MAP2K1: variants seen among roughly 807,000 people sequenced by gnomAD.
The protein encoded by MAP2K1 is mitogen-activated protein kinase kinase 1, also known as dual specificity mitogen-activated protein kinase kinase 1.
A neutral mutation model predicts 46.3 loss-of-function variants in MAP2K1; 16 were observed. The ratio of observed to expected loss-of-function variants is 0.35; its 90% confidence interval spans 0.23 to 0.52. The LOEUF (loss-of-function observed/expected upper bound fraction) is 0.52, where lower values mean the gene tolerates loss of function less well. Among genes scored for constraint, MAP2K1 ranks in the 20% least tolerant of loss-of-function variants. The pLI, the probability that MAP2K1 is intolerant of heterozygous loss-of-function variation, is 0.94. For missense variants in MAP2K1, 263 were observed against 497.1 expected (o/e 0.53, Z 4.48); for synonymous variants, 183 against 185.6 (o/e 0.99, Z 0.11).
At chr15:66,418,612 T>C (rs1417367190) in intron 1 of MAP2K1, among the ~76,000 whole-genome samples, 1 of 152,204 alleles carries the variant, frequency 6.6e-6, no homozygotes, top group Non-Finnish European at 1.5e-5. Context: ...AGCCCCACTG[T>C]TTAGTGGTCA....
At chr15:66,408,618 G>T (rs2093403757) in intron 1 of MAP2K1, among the ~76,000 whole-genome samples, 1 of 152,108 alleles carries the variant, frequency 6.6e-6, no homozygotes, top group South Asian at 2.1e-4. Context: ...CTGGCTTTTG[G>T]TGGCATAACT....
At chr15:66,472,094 G>A (rs1282834872) in intron 5 of MAP2K1, among the ~76,000 whole-genome samples, 54 of 66,238 alleles carry the variant, frequency 8.2e-4, no homozygotes, top group South Asian at 1.6e-3. Flanking sequence ...AAAAAAAAAA[G>A]ATGCTGTTAG....
chr15:66,483,839 C>T (rs958361925), intron 6 of MAP2K1, among the ~76,000 whole-genome samples: 2 of 151,320 alleles, frequency 1.3e-5, no homozygotes, highest in African/African-American at 4.9e-5. Flanking sequence ...GCCCTGCCTC[C>T]CAGGTTCACT....
At chr15:66,421,994 C>T (rs771136434) in intron 1 of MAP2K1, among the ~76,000 whole-genome samples, 1 of 151,574 alleles carries the variant, frequency 6.6e-6, no homozygotes, top group Non-Finnish European at 1.5e-5. Flanking sequence ...TGCCTGTGTT[C>T]TAGGCCCTTT....
intron 9 of MAP2K1, 87 bp from the exon 10 acceptor site, chr15:66,489,631 G>C: frequency 1.0e-6 from 1 of 995,282 alleles, no homozygotes. Context: ...GGCCTCTAGT[G>C]TGCAGAGAAG....
At chr15:66,471,525 T>C (rs978669688) in intron 5 of MAP2K1, among the ~76,000 whole-genome samples, 5 of 152,220 alleles carry the variant, frequency 3.3e-5, no homozygotes, top group Admixed American at 6.5e-5. Flanking sequence ...TCAAGGTTAG[T>C]GGTGCTGTTT....
intron 5 of MAP2K1, among the ~76,000 whole-genome samples, chr15:66,459,617 C>CA (rs11404258): frequency 0.65 from 93,324 of 142,942 alleles, 30,717 homozygotes; most frequent in African/African-American, 0.71. Context: ...GACACCATCT[C>CA]AAAAAAAAAA....
chr15:66,467,360 A>C (rs1464171518), intron 5 of MAP2K1, among the ~76,000 whole-genome samples: 2 of 152,230 alleles, frequency 1.3e-5, no homozygotes, highest in Admixed American at 6.5e-5. Context: ...GGGCATAGAC[A>C]GAACTAACTT....
chr15:66,457,603 A>G (rs1367261071), intron 5 of MAP2K1, among the ~76,000 whole-genome samples: 3 of 152,110 alleles, frequency 2.0e-5, no homozygotes, highest in Non-Finnish European at 4.4e-5. Flanking sequence ...TTATAGAAAA[A>G]TCTTCCTAAC....
intron 1 of MAP2K1, among the ~76,000 whole-genome samples, chr15:66,423,826 C>CA (rs2093450039): frequency 6.6e-6 from 1 of 151,810 alleles, no homozygotes; most frequent in Non-Finnish European, 1.5e-5. Context: ...AGGCTGGTCT[C>CA]AAACTCCCAA....
At chr15:66,449,445 T>C (rs1381079734) in intron 5 of MAP2K1, among the ~76,000 whole-genome samples, 1 of 152,204 alleles carries the variant, frequency 6.6e-6, no homozygotes, top group Non-Finnish European at 1.5e-5. Context: ...AGTGGCTGCC[T>C]GAGGGTTTAG....
At chr15:66,420,721 A>ATATATATG (rs1461381065) in intron 1 of MAP2K1, among the ~76,000 whole-genome samples, 2 of 29,684 alleles carry the variant, frequency 6.7e-5, no homozygotes, top group African/African-American at 1.2e-4. Context: ...ATATATATAT[A>ATATATATG]TGTGTGTGTG....
At chr15:66,427,498 G>T (rs996644282) in intron 1 of MAP2K1, among the ~76,000 whole-genome samples, 2 of 151,800 alleles carry the variant, frequency 1.3e-5, no homozygotes, top group African/African-American at 4.8e-5. Context: ...GGCGGAGCTT[G>T]CAGTGAGCCA....
intron 5 of MAP2K1, among the ~76,000 whole-genome samples, chr15:66,449,829 C>G (rs1891988381): frequency 6.6e-6 from 1 of 152,034 alleles, no homozygotes; most frequent in Admixed American, 6.6e-5. Context: ...TGCAGTGAGC[C>G]AAGATCATGC....
intron 1 of MAP2K1, among the ~76,000 whole-genome samples, chr15:66,389,854 G>C (rs1017310752): frequency 3.9e-5 from 6 of 152,042 alleles, no homozygotes; most frequent in African/African-American, 1.4e-4. Context: ...TTACAGCCCG[G>C]CCTCTGTTGT....
intron 1 of MAP2K1, among the ~76,000 whole-genome samples, chr15:66,425,320 G>A (rs2093455149): frequency 6.6e-6 from 1 of 152,224 alleles, no homozygotes; most frequent in African/African-American, 2.4e-5. Flanking sequence ...ACTAGGAGAA[G>A]CTGTGCTTCA....
intron 1 of MAP2K1, among the ~76,000 whole-genome samples, chr15:66,425,888 C>T (rs2093457010): frequency 6.6e-6 from 1 of 152,216 alleles, no homozygotes; most frequent in African/African-American, 2.4e-5. Flanking sequence ...AACACTTTGG[C>T]TAACAATCTT....
rs1892276259 is a variant in MAP2K1, at chr15:66,459,955, C to T, written c.568+15248C>T. ...TCAGAGTGGCCCCTGCCTCCACCAG[C>T]CTGAGGCTACACACAGGATTCTGTT... On this transcript the variant is annotated intron_variant, in intron 5 of 10. Transcript: ENST00000307102. Among the ~76,000 whole-genome samples the T allele has an allele frequency of 2.0e-5, 3 of 152,238 alleles. No homozygotes were observed. In the South Asian group the frequency reaches 6.2e-4, roughly 32 times the overall value.
intron 5 of MAP2K1, among the ~76,000 whole-genome samples, chr15:66,457,271 A>G (rs1178539725): frequency 6.6e-6 from 1 of 152,192 alleles, no homozygotes; most frequent in East Asian, 1.9e-4. Flanking sequence ...GGCATGTGCC[A>G]CTACGCCTGC....
Sources: gnomAD v4.1 joint callset for allele counts (sites outside exome capture counted in the v4.1 genomes callset) on GRCh38, gnomAD v4.1.1 for gene constraint, MANE v1.5 for transcripts, NCBI Gene and HGNC (gene_info 2026-07-23, HGNC 2026-07-21) for gene names.